The following FGF12 variants were observed in gnomAD, a reference collection of about 807,000 sequenced individuals.
FGF12 encodes fibroblast growth factor 12B.
In FGF12, 14 loss-of-function variants were observed where a neutral mutation model predicts 23.6. The observed-to-expected ratio is 0.59, with a 90% confidence interval of 0.39 to 0.93. The LOEUF (loss-of-function observed/expected upper bound fraction) is 0.93, where lower values mean the gene tolerates loss of function less well. FGF12 is among the 40% of genes least tolerant of loss of function. The probability of loss-of-function intolerance (pLI) is 0.00; values close to 1 mark genes in which losing one functional copy is unlikely to be tolerated. For synonymous variants in FGF12, 62 were observed against 77.3 expected, an observed-to-expected ratio of 0.80 and a Z score of 1.04; for missense variants, 175 against 217.8, an observed-to-expected ratio of 0.80 and a Z score of 1.24.
At chr3:192,447,767 A>C (rs1722402981) in intron 2 of FGF12, among the ~76,000 whole-genome samples, 1 of 152,220 alleles carries the variant, frequency 6.6e-6, no homozygotes, top group Non-Finnish European at 1.5e-5. Context: ...TTTTATTGAA[A>C]ATATTACATA....
intron 2 of FGF12, among the ~76,000 whole-genome samples, chr3:192,446,854 C>G (rs1461499441): frequency 6.6e-6 from 1 of 152,224 alleles, no homozygotes. Flanking sequence ...CCACCACTTC[C>G]CAACAATTCC....
intron 2 of FGF12, among the ~76,000 whole-genome samples, chr3:192,573,961 C>A (rs1329573390): frequency 6.6e-6 from 1 of 152,218 alleles, no homozygotes. Context: ...TTCCCAGCCT[C>A]TTTTACCCTA....
intron 2 of FGF12, chr3:192,407,944 C>T: frequency 1.4e-6 from 2 of 1,437,198 alleles, no homozygotes; most frequent in Non-Finnish European, 1.9e-6. Context: ...TGGTTCCCTT[C>T]CACGGGGGTC....
At chr3:192,516,664 C>T (rs552195150) in intron 2 of FGF12, 1 of 152,344 alleles carries the variant, frequency 6.6e-6, no homozygotes, top group Non-Finnish European at 1.5e-5. Context: ...AAAGCTGAAG[C>T]TCCAGGAAAG....
At chr3:192,548,916 T>C (rs1725562931) in intron 2 of FGF12, among the ~76,000 whole-genome samples, 1 of 152,186 alleles carries the variant, frequency 6.6e-6, no homozygotes, top group Non-Finnish European at 1.5e-5. Flanking sequence ...AATATAACCC[T>C]GTCTCTTATA....
chr3:192,230,789 G>A (rs1332331012), intron 4 of FGF12, among the ~76,000 whole-genome samples: 1 of 151,908 alleles, frequency 6.6e-6, no homozygotes, highest in East Asian at 1.9e-4. Flanking sequence ...TAGGATTAGA[G>A]GACACCTTGA....
chr3:192,267,174 T>C (rs886424689), intron 4 of FGF12: 1 of 152,108 alleles, frequency 6.6e-6, no homozygotes, highest in Non-Finnish European at 1.5e-5. Context: ...TCTTAGTCCT[T>C]GGAAAGGTGA....
intron 4 of FGF12, among the ~76,000 whole-genome samples, chr3:192,259,077 G>T (rs1243649116): frequency 6.6e-6 from 1 of 151,934 alleles, no homozygotes; most frequent in Non-Finnish European, 1.5e-5. Context: ...TTGCATTTAA[G>T]ATCCATCATG....
Position 192,524,375 on chromosome 3 carries a change from C to T in FGF12, c.14-163837G>A, listed in dbSNP as rs6773142. ...AAATAAGCATTGCCTTTACAGTAAA[C>T]TCTGAGCTTTCTATTAGTGTTAACT... On this transcript the variant is annotated intron_variant, in intron 2 of 5. Coordinates refer to ENST00000445105, the MANE Select transcript of FGF12 (RefSeq NM_004113.6). Among the ~76,000 whole-genome samples, 983 of 152,286 alleles carry T rather than the reference C, an allele frequency of 6.5e-3. 13 individuals are homozygous for T. The highest frequency in any genetic ancestry group is 0.023 in the African/African-American group (954 of 41,556).
In FGF12 at chr3:192,453,274, T is replaced by G. The variant is rs1247471166; in HGVS notation, c.14-92736A>C. Among the ~76,000 whole-genome samples, 4 of 152,210 alleles carry G rather than the reference T, an allele frequency of 2.6e-5. No individual in the cohort carries two copies. In the East Asian group the frequency reaches 5.8e-4, roughly 22 times the overall value. On this transcript the variant is annotated intron_variant, in intron 2 of 5. Transcript: ENST00000445105. ...TTCACTTTTAAAAGTTGTATTTGAT[T>G]CTTTTGGGAAACTAATTTGATCACA...
chr3:192,643,282 T>C (rs954750841), intron 2 of FGF12, among the ~76,000 whole-genome samples: 4 of 132,660 alleles, frequency 3.0e-5, no homozygotes, highest in Non-Finnish European at 6.7e-5. Context: ...GATCCTGACA[T>C]GGAGAATTAC....
intron 2 of FGF12, among the ~76,000 whole-genome samples, chr3:192,579,821 C>T (rs1163890655): frequency 1.3e-5 from 2 of 152,206 alleles, no homozygotes; most frequent in Admixed American, 6.5e-5. Context: ...CCGATCATCT[C>T]GGCCTCCCCA....
intron 4 of FGF12, among the ~76,000 whole-genome samples, chr3:192,229,983 T>G (rs1025433981): frequency 1.3e-5 from 2 of 152,134 alleles, no homozygotes; most frequent in Non-Finnish European, 2.9e-5. Flanking sequence ...TTGTAAACTT[T>G]AAAGTGTAAT....
intron 2 of FGF12, among the ~76,000 whole-genome samples, chr3:192,599,450 A>C (rs1714016584): frequency 6.6e-6 from 1 of 151,946 alleles, no homozygotes; most frequent in African/African-American, 2.4e-5. Flanking sequence ...AATGTTACCT[A>C]CCTCAGAAGG....
chr3:192,169,441 G>C (rs982275552), intron 5 of FGF12, among the ~76,000 whole-genome samples: 2 of 152,144 alleles, frequency 1.3e-5, no homozygotes, highest in Non-Finnish European at 2.9e-5. Context: ...GAGGGGCTAG[G>C]GGCTTTGAAT....
intron 5 of FGF12, among the ~76,000 whole-genome samples, chr3:192,150,520 A>G (rs909900429): frequency 2.8e-5 from 4 of 142,334 alleles, no homozygotes; most frequent in African/African-American, 1.0e-4. Flanking sequence ...ATCCAGTTTC[A>G]GCTTCCTACA....
chr3:192,692,253 C>T (rs1405730881), intron 2 of FGF12, among the ~76,000 whole-genome samples: 2 of 152,032 alleles, frequency 1.3e-5, no homozygotes, highest in Admixed American at 1.3e-4. Flanking sequence ...AACATCGATG[C>T]AAAAATCTTC....
rs77550259 is a variant in FGF12, at chr3:192,299,664, A to C, written c.228+35697T>G. Among the ~76,000 whole-genome samples the C allele has an allele frequency of 9.1e-3, 1,392 of 152,344 alleles. 17 individuals are homozygous for C. The highest frequency in any genetic ancestry group is 0.012 in the Non-Finnish European group (791 of 68,040). On this transcript the variant is annotated intron_variant, in intron 4 of 5. Coordinates refer to ENST00000445105, the MANE Select transcript of FGF12 (RefSeq NM_004113.6). ...GTTGTTCCCAAAAGAATGTCTTAAC[A>C]GTGCTGATACATTAAAAATGTTCTA...
At chr3:192,540,808 T>A (rs766775491) in intron 2 of FGF12, among the ~76,000 whole-genome samples, 5 of 152,218 alleles carry the variant, frequency 3.3e-5, no homozygotes, top group Non-Finnish European at 7.4e-5. Flanking sequence ...TTTATATATC[T>A]GGGTGCTCCA....
Sources: allele counts gnomAD v4.1 joint callset (sites outside exome capture counted in the v4.1 genomes callset), GRCh38; gene constraint gnomAD v4.1.1; transcripts MANE v1.5; gene names NCBI Gene and HGNC (gene_info 2026-07-23, HGNC 2026-07-21).